ZSWIM6: variants seen among roughly 807,000 people sequenced by gnomAD.
The protein encoded by ZSWIM6 is zinc finger SWIM domain-containing protein 6.
In ZSWIM6, 9 loss-of-function variants were observed where a neutral mutation model predicts 113.2. That is an observed-to-expected ratio of 0.08 (90% CI 0.05 to 0.14). The LOEUF (loss-of-function observed/expected upper bound fraction) is 0.14. ZSWIM6 is among the 10% of genes least tolerant of loss of function. The pLI is 1.00. For missense variants in ZSWIM6, 1,162 were observed against 1,552.2 expected, an observed-to-expected ratio of 0.75 and a Z score of 4.22; for synonymous variants, 611 against 606.5, an observed-to-expected ratio of 1.01 and a Z score of -0.11.
chr5:61,485,387 C>G (rs1372839367), intron 2 of ZSWIM6, among the ~76,000 whole-genome samples: 1 of 152,172 alleles, frequency 6.6e-6, no homozygotes, highest in Non-Finnish European at 1.5e-5. Flanking sequence ...CATAGTATAT[C>G]CAGCTTCCTC....
At chr5:61,503,137 T>A (rs1271407483) in intron 4 of ZSWIM6, among the ~76,000 whole-genome samples, 1 of 152,240 alleles carries the variant, frequency 6.6e-6, no homozygotes, top group Non-Finnish European at 1.5e-5. Context: ...TTTCATGTTT[T>A]ATTTTAAAAT....
At chr5:61,478,182 A>G (rs1747757181) in intron 2 of ZSWIM6, among the ~76,000 whole-genome samples, 1 of 152,214 alleles carries the variant, frequency 6.6e-6, no homozygotes, top group Non-Finnish European at 1.5e-5. Flanking sequence ...GGTCTATATA[A>G]TTAGCAAATA....
intron 1 of ZSWIM6, among the ~76,000 whole-genome samples, chr5:61,384,247 CAAAAAAAAA>C (rs57899277): frequency 1.8e-4 from 14 of 77,514 alleles, no homozygotes; most frequent in Non-Finnish European, 3.6e-4. Context: ...GACTCCGTCT[CAAAAAAAAA>C]AAAAAAAAAA....
At chr5:61,425,011 C>G (rs1015869396) in intron 1 of ZSWIM6, among the ~76,000 whole-genome samples, 4 of 152,098 alleles carry the variant, frequency 2.6e-5, no homozygotes, top group African/African-American at 9.7e-5. Context: ...AGCCACTGCG[C>G]CCGGCACTAA....
In ZSWIM6 at chr5:61,332,925, G is replaced by A. The variant is rs1398459382; in HGVS notation, c.653G>A (p.Cys218Tyr). ...GGCATCGCGCTGTTGGAAAGCGGCT[G>A]CGTAGACAACGTCCTGCAAGTCGGT... Reference protein sequence around the residue: ...RRGIALLESGCVDNVLQVGFH... With the variant: ...RRGIALLESGYVDNVLQVGFH... Residue 218 changes from cysteine to tyrosine, a missense_variant, in exon 1 of 14, where the codon TGC (cysteine) becomes TAC (tyrosine). This residue lies in a region of ZSWIM6 where 333 missense variants were observed against 293.4 expected (regional missense o/e 1.13). Transcript: ENST00000252744. 2.9e-6 allele frequency: 4 copies of A among 1,361,136 alleles called. No homozygotes were observed. Among genetic ancestry groups the A allele is most frequent in the Non-Finnish European group, 3.8e-6 (4 of 1,044,974 alleles). 84.3% of individuals were successfully genotyped at this position (1,361,136 alleles called of 1,614,324 possible).
chr5:61,375,211 C>G lies in ZSWIM6; in HGVS notation c.676+42263C>G, dbSNP rs144346681. The G allele has an allele frequency of 7.8e-4, 1,258 of 1,613,220 alleles. 13 individuals are homozygous for G. In the African/African-American group the frequency reaches 0.014, roughly 19 times the overall value. ...TTCAGGGCCAACAATACAGGATTAT[C>G]TGAATCGACCAAGGCCTACCTGGGA... On this transcript the variant is annotated intron_variant, in intron 1 of 13. Transcript: ENST00000252744.
At chr5:61,346,909 G>T (rs976447178) in intron 1 of ZSWIM6, among the ~76,000 whole-genome samples, 2 of 152,200 alleles carry the variant, frequency 1.3e-5, no homozygotes, top group Non-Finnish European at 2.9e-5. Flanking sequence ...TTAACAATTT[G>T]TAGCAAAGTA....
intron 6 of ZSWIM6, 41 bp downstream of exon 6, chr5:61,526,017 C>T (rs1276822154): frequency 1.3e-6 from 2 of 1,547,376 alleles, no homozygotes; most frequent in Non-Finnish European, 1.7e-6. Flanking sequence ...TGACTTACTT[C>T]TTTGTTTAGT....
intron 1 of ZSWIM6, among the ~76,000 whole-genome samples, chr5:61,338,477 G>A (rs1162905764): frequency 1.3e-5 from 2 of 151,998 alleles, no homozygotes; most frequent in African/African-American, 4.8e-5. Context: ...ATTTTTTATT[G>A]TTCTTTTGTG....
chr5:61,352,300 C>T (rs1480205211), intron 1 of ZSWIM6, among the ~76,000 whole-genome samples: 1 of 152,194 alleles, frequency 6.6e-6, no homozygotes, highest in Non-Finnish European at 1.5e-5. Context: ...TGTCCTCTCC[C>T]ATGAGATTGT....
chr5:61,480,477 T>C (rs1299664214), intron 2 of ZSWIM6, among the ~76,000 whole-genome samples: 2 of 152,154 alleles, frequency 1.3e-5, no homozygotes, highest in Admixed American at 1.3e-4. Flanking sequence ...GTGAGGAAAA[T>C]GGCTTGTCCT....
chr5:61,509,447 T>C (rs1443664461), intron 4 of ZSWIM6, among the ~76,000 whole-genome samples: 1 of 152,022 alleles, frequency 6.6e-6, no homozygotes, highest in Non-Finnish European at 1.5e-5. Flanking sequence ...GAAGGAAGAG[T>C]ACGCACATAG....
chr5:61,463,782 T>G lies in ZSWIM6; in HGVS notation c.677-8899T>G, dbSNP rs140883298. 3.5e-4 allele frequency among the ~76,000 whole-genome samples: 54 copies of G among 152,244 alleles called. No individual in the cohort carries two copies. In the East Asian group the frequency reaches 4.6e-3, roughly 13 times the overall value. On this transcript the variant is annotated intron_variant, in intron 1 of 13. Transcript: ENST00000252744. ...GCTTGGGGCCAGAGCATTTAGTTAT[T>G]TGTGACTTTTACAGTGCAGGGTGGG...
intron 1 of ZSWIM6, among the ~76,000 whole-genome samples, chr5:61,408,260 A>G (rs1466762506): frequency 6.6e-6 from 1 of 152,206 alleles, no homozygotes; most frequent in African/African-American, 2.4e-5. Flanking sequence ...AAGAGAAGTA[A>G]CAATTTATCA....
rs1749388727 is a variant in ZSWIM6, at chr5:61,530,038, C to T, written c.1838-14C>T. ...TTCTACTCCCCCATTTCTCAATTCC[C>T]TTTCCTTACACAGAGCTACCCCATA... On this transcript the variant is annotated splice_polypyrimidine_tract_variant and intron_variant, in intron 7 of 13. Transcript: ENST00000252744. The T allele has an allele frequency of 6.5e-7, 1 of 1,536,326 alleles. No homozygotes were observed. Among genetic ancestry groups the T allele is most frequent in the Admixed American group, 2.0e-5 (1 of 49,632 alleles).
intron 1 of ZSWIM6, among the ~76,000 whole-genome samples, chr5:61,428,628 C>T (rs984950575): frequency 2.6e-5 from 4 of 152,066 alleles, no homozygotes; most frequent in South Asian, 2.1e-4. Flanking sequence ...ACCTTGACCC[C>T]CTAAAGTGTT....
intron 1 of ZSWIM6, among the ~76,000 whole-genome samples, chr5:61,426,681 C>T (rs1008291876): frequency 6.6e-6 from 1 of 151,912 alleles, no homozygotes; most frequent in Non-Finnish European, 1.5e-5. Context: ...GTCTCTTTAT[C>T]CTCCTTTACT....
chr5:61,378,561 T>A lies in ZSWIM6; in HGVS notation c.676+45613T>A, dbSNP rs564064741. On this transcript the variant is annotated intron_variant, in intron 1 of 13. Coordinates refer to ENST00000252744, the MANE Select transcript of ZSWIM6 (RefSeq NM_020928.2). ...ACACCCTTTAATACCTTTCAGATAT[T>A]TTTTTTTTTTTGAGACAGGGTTTTG... Among the ~76,000 whole-genome samples the A allele has an allele frequency of 8.7e-5, 8 of 91,792 alleles. No homozygotes were observed. The East Asian group carries it at 9.1e-4, about 10-fold the overall frequency. The allele number at this position is 91,792 out of a possible 152,430, so 60.2% of individuals were successfully genotyped here.
chr5:61,367,024 A>T (rs1745170679), intron 1 of ZSWIM6, among the ~76,000 whole-genome samples: 1 of 152,130 alleles, frequency 6.6e-6, no homozygotes, highest in Non-Finnish European at 1.5e-5. Flanking sequence ...TGAGGAAGTA[A>T]AACCTTTAAA....
Sources: gnomAD v4.1 joint callset for allele counts (sites outside exome capture counted in the v4.1 genomes callset) on GRCh38, gnomAD v4.1.1 for gene constraint, gnomAD v4.1.1 regional missense constraint, MANE v1.5 for transcripts, NCBI Gene and HGNC (gene_info 2026-07-23, HGNC 2026-07-21) for gene names.